MTCL1: variants seen among roughly 807,000 people sequenced by gnomAD.
MTCL1 encodes microtubule crosslinking factor 1, also known as microtubule cross-linking factor 1.
Under a neutral mutation model 141.4 loss-of-function variants are expected in MTCL1, and 79 were observed. The ratio of observed to expected loss-of-function variants is 0.56; its 90% CI spans 0.47 to 0.67. The LOEUF is 0.67. Among genes scored for constraint, MTCL1 ranks in the 30% least tolerant of loss-of-function variants. The probability of loss-of-function intolerance (pLI) is 0.00; values close to 1 mark genes in which losing one functional copy is unlikely to be tolerated. For synonymous variants in MTCL1, 914 were observed against 875.8 expected, an observed-to-expected ratio of 1.04 and a Z score of -0.77; for missense variants, 2,177 against 2,113.9, an observed-to-expected ratio of 1.03 and a Z score of -0.59.
At chr18:8,825,908 C>T (rs112364860) in exon 15 of MTCL1, 247 of 1,611,162 alleles carry the variant, frequency 1.5e-4, no homozygotes, top group Non-Finnish European at 2.0e-4. Context: ...GGCTGCGGGC[C>T]GGCAGTCGGT....
intron 4 of MTCL1, among the ~76,000 whole-genome samples, chr18:8,771,773 T>G (rs2096485959): frequency 6.6e-6 from 1 of 151,914 alleles, no homozygotes; most frequent in African/African-American, 2.4e-5. Flanking sequence ...ACAAACTTAA[T>G]TTTTTTTTCT....
intron 4 of MTCL1, among the ~76,000 whole-genome samples, chr18:8,740,960 G>T (rs1439074796): frequency 1.3e-5 from 2 of 152,212 alleles, no homozygotes; most frequent in Admixed American, 6.5e-5. Context: ...CACCAGATCA[G>T]ATCTTTTGCC....
chr18:8,783,552 G>A, exon 6 of MTCL1: 1 of 1,604,380 alleles, frequency 6.2e-7, no homozygotes, highest in Admixed American at 1.7e-5. Flanking sequence ...GATTTGAGGT[G>A]CCAGCTCCAG....
chr18:8,707,684 G>C (rs2096065575), intron 1 of MTCL1: 1 of 152,412 alleles, frequency 6.6e-6, no homozygotes, highest in South Asian at 2.1e-4. Context: ...GTCTTAATGA[G>C]CAGCCAACCA....
At chr18:8,734,666 T>C (rs1039090655) in intron 4 of MTCL1, among the ~76,000 whole-genome samples, 2 of 152,206 alleles carry the variant, frequency 1.3e-5, no homozygotes, top group African/African-American at 2.4e-5. Context: ...TGGTTTCTTG[T>C]GCCGTCACTT....
At chr18:8,732,987 C>G (rs1274121526) in intron 4 of MTCL1, among the ~76,000 whole-genome samples, 2 of 152,264 alleles carry the variant, frequency 1.3e-5, no homozygotes, top group African/African-American at 2.4e-5. Context: ...CGGATGTGCT[C>G]TGGTTGCCCA....
At chr18:8,711,596 A>G (rs1320355757) in intron 1 of MTCL1, among the ~76,000 whole-genome samples, 1 of 151,726 alleles carries the variant, frequency 6.6e-6, no homozygotes, top group Non-Finnish European at 1.5e-5. Flanking sequence ...CTGATGTGAG[A>G]TGATATCTCA....
chr18:8,750,688 A>G (rs1239012795), intron 4 of MTCL1, among the ~76,000 whole-genome samples: 1 of 152,140 alleles, frequency 6.6e-6, no homozygotes, highest in Non-Finnish European at 1.5e-5. Context: ...TCTTGAGAAC[A>G]TTTTTCTAGG....
intron 4 of MTCL1, among the ~76,000 whole-genome samples, chr18:8,766,675 A>G (rs944597556): frequency 2.0e-5 from 3 of 152,194 alleles, no homozygotes; most frequent in African/African-American, 4.8e-5. Context: ...ATCACATGAA[A>G]CCATGGCTGT....
At chr18:8,725,816 G>A (rs2096206183) in intron 4 of MTCL1, among the ~76,000 whole-genome samples, 1 of 111,190 alleles carries the variant, frequency 9.0e-6, no homozygotes, top group African/African-American at 3.7e-5. Context: ...TTGAGATGGA[G>A]TCTCTCTCTG....
intron 4 of MTCL1, among the ~76,000 whole-genome samples, chr18:8,725,790 C>T (rs139907463): frequency 0.13 from 7,835 of 60,174 alleles, 498 homozygotes; most frequent in African/African-American, 0.29. Context: ...TTTTTTTTTT[C>T]TTTTTTTTTT....
chr18:8,805,616 C>T (rs1197554443), intron 10 of MTCL1, among the ~76,000 whole-genome samples: 3 of 151,960 alleles, frequency 2.0e-5, no homozygotes, highest in African/African-American at 7.3e-5. Context: ...AAGGAGGGGT[C>T]CCAGTGTACT....
chr18:8,830,488 G>A lies in MTCL1; in HGVS notation c.*19-1119G>A. The A allele has an allele frequency of 1.0e-6, 1 of 985,892 alleles. No homozygotes were observed. Among genetic ancestry groups the A allele is most frequent in the African/African-American group, 1.7e-5 (1 of 57,376 alleles). 61.1% of individuals were successfully genotyped at this position (985,892 alleles called of 1,614,324 possible). ...TCTGCCGTGTTCCATCTTCTCCCGA[G>A]TGACACTGCCCATTCCGTGCAGCCG... On this transcript the variant is annotated intron_variant, in intron 16 of 16. Coordinates refer to ENST00000359865, the Ensembl canonical transcript of MTCL1. This position sits in a 1 kb window ranked among gnomAD's most constrained non-coding sequence, Gnocchi z 6.4.
rs564012113 is a variant in MTCL1 at position 8,765,197 on chromosome 18, T to C, written c.358-12636T>C. ...TAGTTTTTTGAAGCACATTTGCACC[T>C]CAGGATAAATGTCGTGGCAGCAGGC... On this transcript the variant is annotated intron_variant, in intron 4 of 16. Coordinates refer to ENST00000359865, the Ensembl canonical transcript of MTCL1. 2.6e-4 allele frequency among the ~76,000 whole-genome samples: 40 copies of C among 152,252 alleles called. 1 individual carries two copies. Among genetic ancestry groups the C allele is most frequent in the South Asian group, 2.3e-3 (11 of 4,826 alleles).
At position 8,828,033 on chromosome 18, in the gene MTCL1, C is replaced by G. The variant is rs1270409922; in HGVS notation, c.4723-875C>G. Among the ~76,000 whole-genome samples, 1 of 152,212 alleles carries G rather than the reference C, an allele frequency of 6.6e-6. No homozygotes were observed. The highest frequency in any genetic ancestry group is 1.5e-5 in the Non-Finnish European group (1 of 68,042). ...ATCGGCAGCATCTAAATGCCACGGG[C>G]TCTTTTTTCCATTTCTGTTGGAATT... On this transcript the variant is annotated intron_variant, in intron 15 of 16. Transcript: ENST00000359865. The surrounding 1 kb of genome is among the most constrained non-coding windows in gnomAD (Gnocchi z 5.2).
intron 10 of MTCL1, among the ~76,000 whole-genome samples, chr18:8,800,049 A>T (rs1481883783): frequency 1.3e-5 from 2 of 152,220 alleles, no homozygotes; most frequent in East Asian, 3.8e-4. Flanking sequence ...CACAGTAGTG[A>T]GTAAGGAGCT....
intron 7 of MTCL1, among the ~76,000 whole-genome samples, chr18:8,788,442 C>T (rs1386529721): frequency 1.3e-5 from 2 of 152,146 alleles, no homozygotes; most frequent in Non-Finnish European, 2.9e-5. Flanking sequence ...GGATTTGTTC[C>T]TCAAGCTGCA....
At chr18:8,726,537 ATGCGCGCGC>A (rs1567945465) in intron 4 of MTCL1, among the ~76,000 whole-genome samples, 17 of 94,434 alleles carry the variant, frequency 1.8e-4, no homozygotes, top group African/African-American at 8.6e-4. Context: ...GCGAGTGCGC[ATGCGCGCGC>A]GCAACAAGCA....
intron 4 of MTCL1, among the ~76,000 whole-genome samples, chr18:8,732,133 G>A (rs372902431): frequency 2.6e-5 from 4 of 151,892 alleles, no homozygotes; most frequent in Non-Finnish European, 5.9e-5. Flanking sequence ...ACAGGGTCTC[G>A]CTCTGTTGCC....
Sources: gnomAD v4.1 joint callset for allele counts (sites outside exome capture counted in the v4.1 genomes callset) on GRCh38, gnomAD v4.1.1 for gene constraint, Gnocchi (gnomAD v3.1) non-coding constraint, MANE v1.5 for transcripts, NCBI Gene and HGNC (gene_info 2026-07-23, HGNC 2026-07-21) for gene names.